Variants in FNDC3B observed in about 807,000 individuals in gnomAD.
The protein encoded by FNDC3B is fibronectin type III domain containing 3B.
In FNDC3B, 12 loss-of-function variants were observed where a neutral mutation model predicts 151.5. That is an observed-to-expected ratio of 0.08 (90% CI 0.05 to 0.13). The LOEUF is 0.13. FNDC3B is among the 10% of genes least tolerant of loss of function. The pLI is 1.00. For synonymous variants in FNDC3B, 528 were observed against 549.0 expected, an observed-to-expected ratio of 0.96 and a Z score of 0.54; for missense variants, 1,214 against 1,505.3, an observed-to-expected ratio of 0.81 and a Z score of 3.20.
At chr3:172,395,308 C>A (rs2108398091) in intron 25 of FNDC3B, among the ~76,000 whole-genome samples, 1 of 152,122 alleles carries the variant, frequency 6.6e-6, no homozygotes, top group African/African-American at 2.4e-5. Flanking sequence ...TTATCATTTC[C>A]TCTTAAGTTT....
Position 172,320,679 on chromosome 3 carries a change from G to A in FNDC3B, c.1255-8273G>A, listed in dbSNP as rs535459662. Among the ~76,000 whole-genome samples, 11 of 152,332 alleles carry A rather than the reference G, an allele frequency of 7.2e-5. 1 individual carries two copies. The South Asian group carries it at 2.3e-3, about 32-fold the overall frequency. ...AGTGTTGTTAGTGCCAGGGTAATTA[G>A]AAATGTTAGTCAGGGCAGCCACAGC... is the stretch of plus-strand genomic sequence containing the variant. On this transcript the variant is annotated intron_variant, in intron 11 of 25. Transcript: ENST00000415807.
In FNDC3B at chr3:172,346,313, G is replaced by A; in HGVS notation, c.2251-14G>A. The A allele has an allele frequency of 2.7e-6, 4 of 1,488,960 alleles. No homozygotes were observed. Among genetic ancestry groups the A allele is most frequent in the Non-Finnish European group, 3.7e-6 (4 of 1,067,692 alleles). 92.2% of individuals were successfully genotyped at this position (1,488,960 alleles called of 1,614,324 possible). ...CATATATACATACGTGTGTGTGCGT[G>A]TGTTTTCTTTCAGTATGGTCCCTAT... On this transcript the variant is annotated splice_polypyrimidine_tract_variant and intron_variant, in intron 19 of 25. Coordinates refer to ENST00000415807, the MANE Select transcript of FNDC3B (RefSeq NM_022763.4).
intron 1 of FNDC3B, among the ~76,000 whole-genome samples, chr3:172,089,209 A>G (rs1718691604): frequency 6.6e-6 from 1 of 152,232 alleles, no homozygotes; most frequent in Non-Finnish European, 1.5e-5. Context: ...GTTCAGCACA[A>G]ATTATTATTA....
At chr3:172,314,144 C>T (rs1161305184) in intron 11 of FNDC3B, among the ~76,000 whole-genome samples, 1 of 152,170 alleles carries the variant, frequency 6.6e-6, no homozygotes, top group Admixed American at 6.5e-5. Context: ...TAATAGAAGG[C>T]AGTGAGGCAG....
At chr3:172,315,942 C>T (rs1410500970) in intron 11 of FNDC3B, among the ~76,000 whole-genome samples, 2 of 151,814 alleles carry the variant, frequency 1.3e-5, no homozygotes, top group East Asian at 1.9e-4. Context: ...CTTTTTTGGG[C>T]ACCCTTCCAA....
At chr3:172,077,694 G>C (rs1030716013) in intron 1 of FNDC3B, among the ~76,000 whole-genome samples, 2 of 151,982 alleles carry the variant, frequency 1.3e-5, no homozygotes, top group Non-Finnish European at 2.9e-5. Context: ...CATGTAGAAA[G>C]GCTCCCGTTT....
intron 3 of FNDC3B, among the ~76,000 whole-genome samples, chr3:172,206,741 G>T (rs60788176): frequency 6.6e-6 from 1 of 150,450 alleles, no homozygotes; most frequent in East Asian, 2.0e-4. Flanking sequence ...ATAAAAATAG[G>T]TCACACTTTA....
At chr3:172,052,202 C>T (rs536136902) in intron 1 of FNDC3B, among the ~76,000 whole-genome samples, 3 of 151,116 alleles carry the variant, frequency 2.0e-5, no homozygotes, top group East Asian at 1.9e-4. Flanking sequence ...CTTCCACCCT[C>T]AGCCTCCCAC....
intron 3 of FNDC3B, among the ~76,000 whole-genome samples, chr3:172,197,301 C>T (rs1202079328): frequency 6.6e-6 from 1 of 152,176 alleles, no homozygotes; most frequent in Non-Finnish European, 1.5e-5. Context: ...CACTTGTTAG[C>T]TAACCCCAAC....
At chr3:172,183,854 T>C (rs1450466175) in intron 3 of FNDC3B, among the ~76,000 whole-genome samples, 8 of 152,224 alleles carry the variant, frequency 5.3e-5, no homozygotes, top group African/African-American at 1.7e-4. Flanking sequence ...AGCAGTAATA[T>C]TGAGACTAGG....
intron 3 of FNDC3B, among the ~76,000 whole-genome samples, chr3:172,153,244 T>C (rs1202709195): frequency 6.6e-6 from 1 of 152,176 alleles, no homozygotes; most frequent in African/African-American, 2.4e-5. Flanking sequence ...ATAATAACTC[T>C]AGAGCTGGGA....
intron 1 of FNDC3B, among the ~76,000 whole-genome samples, chr3:172,047,768 A>G (rs906354588): frequency 3.3e-5 from 5 of 151,252 alleles, no homozygotes; most frequent in African/African-American, 1.2e-4. Context: ...ACCCCACTCC[A>G]CTCTACCAAT....
chr3:172,164,690 T>C (rs767216850), intron 3 of FNDC3B, among the ~76,000 whole-genome samples: 1 of 152,210 alleles, frequency 6.6e-6, no homozygotes, highest in Non-Finnish European at 1.5e-5. Context: ...ATGACTTCTA[T>C]GAGAGCAAAG....
At chr3:172,341,860 C>G (rs919221181) in intron 17 of FNDC3B, among the ~76,000 whole-genome samples, 3 of 152,140 alleles carry the variant, frequency 2.0e-5, no homozygotes, top group Non-Finnish European at 4.4e-5. Context: ...CCACATAGTA[C>G]TCTCATAGGC....
At chr3:172,206,632 C>T (rs1440456126) in intron 3 of FNDC3B, among the ~76,000 whole-genome samples, 10 of 129,214 alleles carry the variant, frequency 7.7e-5, no homozygotes, top group Non-Finnish European at 1.1e-4. Context: ...GCATTCCAGC[C>T]TGGGCAACAA....
chr3:172,242,457 G>A (rs935729171), intron 4 of FNDC3B, among the ~76,000 whole-genome samples: 5 of 152,298 alleles, frequency 3.3e-5, no homozygotes, highest in East Asian at 1.9e-4. Flanking sequence ...AAGTCTAGGC[G>A]GAGGTTCCCA....
intron 7 of FNDC3B, among the ~76,000 whole-genome samples, chr3:172,287,481 G>A (rs144582605): frequency 2.4e-3 from 364 of 152,332 alleles, no homozygotes; most frequent in African/African-American, 8.4e-3. Context: ...CGGGGGTGCA[G>A]TATAAGGGAG....
chr3:172,062,990 A>G (rs1323018831), intron 1 of FNDC3B, among the ~76,000 whole-genome samples: 2 of 152,202 alleles, frequency 1.3e-5, no homozygotes, highest in African/African-American at 2.4e-5. Context: ...TGTATGATCT[A>G]ATGCTACAAA....
chr3:172,300,325 A>T (rs1337922950), intron 9 of FNDC3B, among the ~76,000 whole-genome samples: 2 of 152,228 alleles, frequency 1.3e-5, no homozygotes, highest in African/African-American at 4.8e-5. Context: ...GTGCTTTAAC[A>T]GTTTATTGTT....
Sources: allele counts gnomAD v4.1 joint callset (sites outside exome capture counted in the v4.1 genomes callset), GRCh38; gene constraint gnomAD v4.1.1; transcripts MANE v1.5; gene names NCBI Gene and HGNC (gene_info 2026-07-23, HGNC 2026-07-21).